Variants in VWA3B observed in about 807,000 individuals in gnomAD.
VWA3B encodes the protein von Willebrand factor A domain-containing protein 3B.
Under a neutral mutation model 158.3 loss-of-function variants are expected in VWA3B, and 138 were observed. That is an observed-to-expected ratio of 0.87 (90% CI 0.76 to 1.00). The LOEUF (loss-of-function observed/expected upper bound fraction) is 1.00. Among genes scored for constraint, VWA3B ranks in the 50% least tolerant of loss-of-function variants. The pLI, the probability that VWA3B is intolerant of heterozygous loss-of-function variation, is 0.00. For missense variants in VWA3B, 1,555 were observed against 1,565.1 expected, an observed-to-expected ratio of 0.99 and a Z score of 0.11; for synonymous variants, 596 against 587.3, an observed-to-expected ratio of 1.01 and a Z score of -0.21.
chr2:98,154,831 C>G (rs973007602), intron 7 of VWA3B, among the ~76,000 whole-genome samples: 1 of 152,204 alleles, frequency 6.6e-6, no homozygotes, highest in Admixed American at 6.5e-5. Flanking sequence ...GGTGATGGCT[C>G]TGATTCCAGG....
At chr2:98,223,595 C>T (rs1684683278) in intron 14 of VWA3B, among the ~76,000 whole-genome samples, 1 of 152,078 alleles carries the variant, frequency 6.6e-6, no homozygotes, top group Non-Finnish European at 1.5e-5. Context: ...AGAAAAATGA[C>T]ACCAATTCAA....
At chr2:98,207,043 G>C in intron 12 of VWA3B, 1 of 500,940 alleles carries the variant, frequency 2.0e-6, no homozygotes, top group Non-Finnish European at 4.0e-6. Context: ...AGAAGTTCAA[G>C]ATGTACTCCT....
intron 2 of VWA3B, among the ~76,000 whole-genome samples, chr2:98,098,574 T>A (rs946578708): frequency 2.6e-5 from 4 of 152,148 alleles, no homozygotes; most frequent in Non-Finnish European, 4.4e-5. Flanking sequence ...TATCTGGTTC[T>A]ATCCTGTCAT....
chr2:98,287,391 C>T (rs1017043684), intron 22 of VWA3B, among the ~76,000 whole-genome samples: 1 of 152,108 alleles, frequency 6.6e-6, no homozygotes, highest in Non-Finnish European at 1.5e-5. Flanking sequence ...AGCTCTTTCT[C>T]TGCTATGTTA....
intron 22 of VWA3B, among the ~76,000 whole-genome samples, chr2:98,273,666 C>T (rs938767011): frequency 5.3e-5 from 8 of 152,114 alleles, no homozygotes; most frequent in Non-Finnish European, 1.0e-4. Context: ...CATGAGATGC[C>T]AAGCACTATT....
intron 8 of VWA3B, among the ~76,000 whole-genome samples, chr2:98,164,958 G>A (rs1168158305): frequency 6.6e-6 from 1 of 152,140 alleles, no homozygotes; most frequent in Non-Finnish European, 1.5e-5. Context: ...GTCTCTTTTA[G>A]CCTTATTCTT....
chr2:98,227,890 CTTG>C (rs1285497627), intron 14 of VWA3B, among the ~76,000 whole-genome samples: 4 of 152,202 alleles, frequency 2.6e-5, no homozygotes, highest in Admixed American at 1.3e-4. Flanking sequence ...AGATGTTCAG[CTTG>C]TTGTATGTGA....
At chr2:98,324,273 C>T in the VWA3B span, among the ~76,000 whole-genome samples, 1 of 152,110 alleles carries the variant, frequency 6.6e-6, no homozygotes, top group Non-Finnish European at 1.5e-5. Flanking sequence ...AACCATTCTC[C>T]TGCCTCAGCT....
chr2:98,096,829 G>C (rs1376540114), intron 2 of VWA3B, among the ~76,000 whole-genome samples: 1 of 151,410 alleles, frequency 6.6e-6, no homozygotes, highest in Admixed American at 6.6e-5. Flanking sequence ...TTAGCTCTAG[G>C]TTTGTCTATT....
rs1364122598 is a variant in VWA3B, at chr2:98,250,195, C to T, written c.2674-123C>T. On this transcript the variant is annotated intron_variant, in intron 19 of 27. Coordinates refer to ENST00000477737, the MANE Select transcript of VWA3B (RefSeq NM_144992.5). ...ATTTACTGTGTTTTCTAATGTTCTACATTTATTGTATATTGACTTTATAGT... is the reference window on the plus strand; with the variant it reads ...ATTTACTGTGTTTTCTAATGTTCTATATTTATTGTATATTGACTTTATAGT... 7.7e-6 allele frequency: 5 copies of T among 653,440 alleles called. No homozygotes were observed. The East Asian group carries it at 1.4e-4, about 18-fold the overall frequency. The allele number at this position is 653,440 out of a possible 1,614,324, so 40.5% of individuals were successfully genotyped here.
At chr2:98,282,819 AG>A (rs1688961942) in intron 22 of VWA3B, among the ~76,000 whole-genome samples, 1 of 152,166 alleles carries the variant, frequency 6.6e-6, no homozygotes, top group African/African-American at 2.4e-5. Context: ...AATGACTTGA[AG>A]GGGAGTGATA....
chr2:98,242,130 C>A, intron 19 of VWA3B: 1 of 419,742 alleles, frequency 2.4e-6, no homozygotes, highest in Non-Finnish European at 4.8e-6. Context: ...GTGTTCTGTG[C>A]ACGGCCACAT....
At chr2:98,286,527 T>C (rs1484290348) in intron 22 of VWA3B, among the ~76,000 whole-genome samples, 1 of 152,122 alleles carries the variant, frequency 6.6e-6, no homozygotes, top group African/African-American at 2.4e-5. Flanking sequence ...AACCATATGG[T>C]TTTATCCTTT....
chr2:98,251,100 A>C (rs1210899657), intron 20 of VWA3B, among the ~76,000 whole-genome samples: 1 of 152,060 alleles, frequency 6.6e-6, no homozygotes, highest in Non-Finnish European at 1.5e-5. Context: ...CTCGTCTAAA[A>C]AAAATTGCTC....
intron 10 of VWA3B, 106 bp from the exon 11 acceptor site, chr2:98,192,792 A>G: frequency 6.7e-7 from 1 of 1,494,928 alleles, no homozygotes; most frequent in Non-Finnish European, 9.2e-7. Flanking sequence ...GGTATAAACA[A>G]CATAGCGCAG....
intron 21 of VWA3B, among the ~76,000 whole-genome samples, chr2:98,263,063 C>T (rs1687582874): frequency 6.6e-6 from 1 of 151,674 alleles, no homozygotes; most frequent in Non-Finnish European, 1.5e-5. Flanking sequence ...TCTCTTAATT[C>T]CTTACCTGAT....
In VWA3B at chr2:98,188,024, A is replaced by ATGCTCCC. The variant is rs1354266906; in HGVS notation, c.1364_1370dup (p.Trp457CysfsTer23). 3 of 1,614,006 alleles carry ATGCTCCC rather than the reference A, an allele frequency of 1.9e-6. No individual in the cohort carries two copies. In the South Asian group the frequency reaches 3.3e-5, roughly 18 times the overall value. ...GCAAAATATTGCAGCAGGTTTGTCC[A>ATGCTCCC]TGCTCCCTGGAAGGATGGGAGCTTG... On this transcript the variant is annotated frameshift_variant, in exon 10 of 28. Transcript: ENST00000477737. LOFTEE classifies it high-confidence loss of function.
At chr2:98,250,485 T>C in intron 20 of VWA3B, 49 bp downstream of exon 20, 1 of 1,415,814 alleles carries the variant, frequency 7.1e-7, no homozygotes, top group Non-Finnish European at 9.7e-7. Context: ...ATTTATTTTA[T>C]GGAGAAGGAG....
chr2:98,108,609 TG>T (rs752646792), intron 2 of VWA3B, among the ~76,000 whole-genome samples: 4 of 152,240 alleles, frequency 2.6e-5, no homozygotes, highest in Non-Finnish European at 5.9e-5. Flanking sequence ...TGTCCTGCTC[TG>T]TCCCCAGTAA....
Sources: allele counts gnomAD v4.1 joint callset (sites outside exome capture counted in the v4.1 genomes callset), GRCh38; gene constraint gnomAD v4.1.1; transcripts MANE v1.5; gene names NCBI Gene and HGNC (gene_info 2026-07-23, HGNC 2026-07-21).